Variants in AOPEP observed in about 807,000 individuals in gnomAD.
AOPEP encodes the protein aminopeptidase O.
A neutral mutation model predicts 98.1 loss-of-function variants in AOPEP; 77 were observed. The observed-to-expected ratio is 0.78, with a 90% CI of 0.65 to 0.95. The LOEUF is 0.95. Among genes scored for constraint, AOPEP ranks in the 40% least tolerant of loss-of-function variants. The probability of loss-of-function intolerance (pLI) is 0.00; values close to 1 mark genes in which losing one functional copy is unlikely to be tolerated. For missense variants in AOPEP, 1,024 were observed against 1,024.7 expected (o/e 1.00, Z 0.01); for synonymous variants, 346 against 365.3 (o/e 0.95, Z 0.60).
At chr9:94,806,150 T>G (rs1849221508) in intron 5 of AOPEP, among the ~76,000 whole-genome samples, 1 of 152,222 alleles carries the variant, frequency 6.6e-6, no homozygotes, top group Non-Finnish European at 1.5e-5. Flanking sequence ...GCCTCAGGAA[T>G]CAGATTTTGA....
the AOPEP span, chr9:95,114,425 C>T: frequency 1.4e-5 from 9 of 660,002 alleles, no homozygotes; most frequent in East Asian, 2.8e-5. Context: ...TGCATACATG[C>T]GCATGCCTAT....
At chr9:95,040,016 C>CA (rs1381499203) in intron 13 of AOPEP, among the ~76,000 whole-genome samples, 2 of 152,156 alleles carry the variant, frequency 1.3e-5, no homozygotes, top group Non-Finnish European at 2.9e-5. Context: ...AGCATTGGGG[C>CA]ATTGAGGAGC....
the AOPEP span, among the ~76,000 whole-genome samples, chr9:95,102,246 C>G: frequency 1.3e-5 from 2 of 152,190 alleles, no homozygotes; most frequent in African/African-American, 4.8e-5. Flanking sequence ...GCAAAAGGCT[C>G]ACACGAACAT....
intron 1 of AOPEP, among the ~76,000 whole-genome samples, chr9:94,736,298 A>C (rs1472582439): frequency 1.3e-5 from 2 of 152,190 alleles, no homozygotes; most frequent in Non-Finnish European, 2.9e-5. Context: ...TAGAGCAGCT[A>C]CTTTTTCTTC....
Position 95,034,058 on chromosome 9 carries a change from G to A in AOPEP, c.2116-26636G>A, listed in dbSNP as rs188397442. On this transcript the variant is annotated intron_variant, in intron 13 of 16. Transcript: ENST00000375315. ...ATGACAGAATTGCTGTCTAAATGACGTACTGAAGACACATCCCTGCCTTGT... is the reference window on the plus strand; with the variant it reads ...ATGACAGAATTGCTGTCTAAATGACATACTGAAGACACATCCCTGCCTTGT... Among the ~76,000 whole-genome samples the A allele has an allele frequency of 8.3e-4, 126 of 152,262 alleles. 1 individual carries two copies. Among genetic ancestry groups the A allele is most frequent in the East Asian group, 9.6e-4 (5 of 5,188 alleles).
intron 14 of AOPEP, among the ~76,000 whole-genome samples, chr9:95,068,073 T>A (rs1336328520): frequency 6.6e-6 from 1 of 152,240 alleles, no homozygotes; most frequent in Non-Finnish European, 1.5e-5. Flanking sequence ...CATTTGTTGA[T>A]CCACACATCA....
chr9:94,866,896 A>G (rs1453130103), intron 5 of AOPEP, among the ~76,000 whole-genome samples: 4 of 152,198 alleles, frequency 2.6e-5, no homozygotes, highest in African/African-American at 4.8e-5. Context: ...GGATTTTTTA[A>G]TAGCAGCCTT....
chr9:95,059,318 A>G (rs1393315474), intron 13 of AOPEP, among the ~76,000 whole-genome samples: 1 of 152,198 alleles, frequency 6.6e-6, no homozygotes, highest in Non-Finnish European at 1.5e-5. Flanking sequence ...AGTACAGAAT[A>G]TACCCAAGAA....
At chr9:94,952,060 G>A (rs1162942712) in intron 7 of AOPEP, among the ~76,000 whole-genome samples, 1 of 152,228 alleles carries the variant, frequency 6.6e-6, no homozygotes, top group Non-Finnish European at 1.5e-5. Context: ...AAATGAGAAT[G>A]GGAGTAGACC....
intron 5 of AOPEP, among the ~76,000 whole-genome samples, chr9:94,823,065 C>A (rs1021997291): frequency 6.6e-6 from 1 of 151,984 alleles, no homozygotes; most frequent in Admixed American, 6.6e-5. Context: ...GGCGCAATCT[C>A]GGCTCATCGC....
intron 3 of AOPEP, among the ~76,000 whole-genome samples, chr9:94,785,035 A>G (rs1490675107): frequency 6.6e-6 from 1 of 152,176 alleles, no homozygotes; most frequent in Non-Finnish European, 1.5e-5. Context: ...CCGGGGTTCA[A>G]GTGATTCTCC....
intron 5 of AOPEP, among the ~76,000 whole-genome samples, chr9:94,920,723 C>T (rs911950200): frequency 1.3e-5 from 2 of 152,184 alleles, no homozygotes; most frequent in East Asian, 1.9e-4. Flanking sequence ...GATTAACAGA[C>T]GCAGTCTTCT....
chr9:94,788,934 G>A (rs1432925653), intron 3 of AOPEP, among the ~76,000 whole-genome samples: 1 of 152,198 alleles, frequency 6.6e-6, no homozygotes, highest in Non-Finnish European at 1.5e-5. Flanking sequence ...AATAGCCCAG[G>A]TGTGCAGGGC....
At chr9:95,111,767 G>T in the AOPEP span, 1 of 1,033,868 alleles carries the variant, frequency 9.7e-7, no homozygotes. Context: ...AACCTGCAAG[G>T]AATACAATTT....
chr9:94,837,535 A>G (rs980314618), intron 5 of AOPEP, among the ~76,000 whole-genome samples: 19 of 152,348 alleles, frequency 1.2e-4, no homozygotes, highest in South Asian at 4.1e-4. Context: ...ACTGAATCCA[A>G]TGGCATATCA....
At chr9:95,025,823 C>T (rs1046487102) in intron 13 of AOPEP, among the ~76,000 whole-genome samples, 8 of 152,140 alleles carry the variant, frequency 5.3e-5, no homozygotes, top group Non-Finnish European at 1.5e-5. Context: ...TTCTAAAAGT[C>T]GTGTGTTCCT....
chr9:95,000,635 G>A (rs2061501330), intron 11 of AOPEP, among the ~76,000 whole-genome samples: 1 of 152,162 alleles, frequency 6.6e-6, no homozygotes, highest in Non-Finnish European at 1.5e-5. Flanking sequence ...TTGAGCCTGG[G>A]AGGCAGAGGT....
At chr9:94,916,225 T>C (rs914787224) in intron 5 of AOPEP, among the ~76,000 whole-genome samples, 5 of 152,094 alleles carry the variant, frequency 3.3e-5, no homozygotes, top group Admixed American at 6.5e-5. Context: ...ATCGCCCTGA[T>C]TGGGGAGGAC....
chr9:95,111,217 G>A, the AOPEP span: 1 of 1,536,456 alleles, frequency 6.5e-7, no homozygotes, highest in African/African-American at 1.4e-5. Context: ...TGGGGAAGAA[G>A]GGTCTTCGTT....
Sources: gnomAD v4.1 joint callset for allele counts (sites outside exome capture counted in the v4.1 genomes callset) on GRCh38, gnomAD v4.1.1 for gene constraint, MANE v1.5 for transcripts, NCBI Gene and HGNC (gene_info 2026-07-23, HGNC 2026-07-21) for gene names.